Variants in RORA observed in about 807,000 individuals in gnomAD.
RORA encodes nuclear receptor ROR-alpha.
Under a neutral mutation model 69.5 loss-of-function variants are expected in RORA, and 7 were observed. The ratio of observed to expected loss-of-function variants is 0.10; its 90% CI spans 0.06 to 0.19. The LOEUF is 0.19. Ranked by LOEUF, RORA falls within the 10% of genes least tolerant of loss-of-function variation. The pLI is 1.00. For synonymous variants in RORA, 261 were observed against 240.8 expected (o/e 1.08, Z -0.78); for missense variants, 457 against 663.0 (o/e 0.69, Z 3.41).
At chr15:61,020,601 C>T (rs1358820522) in intron 1 of RORA, among the ~76,000 whole-genome samples, 1 of 152,166 alleles carries the variant, frequency 6.6e-6, no homozygotes, top group Non-Finnish European at 1.5e-5. Flanking sequence ...AAACCTTCAC[C>T]CTCAGAGAGA....
chr15:61,095,568 T>C (rs2140730442), intron 1 of RORA, among the ~76,000 whole-genome samples: 1 of 152,352 alleles, frequency 6.6e-6, no homozygotes, highest in East Asian at 1.9e-4. Context: ...TGACAAATGC[T>C]TTCTCCAATC....
intron 7 of RORA, 89 bp downstream of exon 7, chr15:60,503,446 C>A: frequency 1.5e-6 from 2 of 1,359,978 alleles, no homozygotes; most frequent in South Asian, 1.4e-5. Flanking sequence ...AAAAACTGTT[C>A]CCGACACCTT....
At chr15:60,942,078 A>C (rs1428869151) in intron 1 of RORA, among the ~76,000 whole-genome samples, 4 of 152,050 alleles carry the variant, frequency 2.6e-5, no homozygotes. Context: ...ATTCCCCCTA[A>C]TTTTTTAAAA....
chr15:60,983,355 CAA>C (rs1193892769), intron 1 of RORA, among the ~76,000 whole-genome samples: 1 of 152,184 alleles, frequency 6.6e-6, no homozygotes, highest in Non-Finnish European at 1.5e-5. Flanking sequence ...CTGAAAGTAT[CAA>C]AGTGTTTTAC....
chr15:60,792,668 T>A (rs1381601179), intron 1 of RORA, among the ~76,000 whole-genome samples: 1 of 152,218 alleles, frequency 6.6e-6, no homozygotes, highest in East Asian at 1.9e-4. Flanking sequence ...TGAAAAACAT[T>A]GTCAACCCAG....
At chr15:61,228,172 G>T (rs1386280941) in intron 1 of RORA, among the ~76,000 whole-genome samples, 2 of 152,166 alleles carry the variant, frequency 1.3e-5, no homozygotes, top group Non-Finnish European at 2.9e-5. Flanking sequence ...TGGAACCTCC[G>T]AGAGGGAAGG....
intron 1 of RORA, among the ~76,000 whole-genome samples, chr15:61,187,116 G>A (rs894241097): frequency 1.3e-5 from 2 of 152,222 alleles, no homozygotes; most frequent in Non-Finnish European, 2.9e-5. Context: ...CAAAAGCGGC[G>A]GTGGCAGGCT....
intron 1 of RORA, among the ~76,000 whole-genome samples, chr15:60,987,776 A>T (rs1353418453): frequency 6.6e-6 from 1 of 152,208 alleles, no homozygotes; most frequent in Non-Finnish European, 1.5e-5. Flanking sequence ...AACTCTCCAA[A>T]GAGTCCTGAG....
intron 1 of RORA, among the ~76,000 whole-genome samples, chr15:60,805,273 T>C (rs192534314): frequency 5.4e-4 from 82 of 152,260 alleles, no homozygotes; most frequent in Middle Eastern, 3.4e-3. Context: ...AATAAAACCA[T>C]GTCAGTCATT....
intron 1 of RORA, among the ~76,000 whole-genome samples, chr15:61,138,464 C>G (rs578071233): frequency 6.6e-6 from 1 of 152,114 alleles, no homozygotes; most frequent in East Asian, 1.9e-4. Context: ...CCCAGGGTTA[C>G]GAAGACCACT....
chr15:60,626,191 T>A (rs2140639432), intron 2 of RORA, among the ~76,000 whole-genome samples: 1 of 152,100 alleles, frequency 6.6e-6, no homozygotes, highest in Admixed American at 6.5e-5. Flanking sequence ...GAGCTCAACC[T>A]CCCCAAACCA....
chr15:61,036,791 G>A (rs539701319), intron 1 of RORA, among the ~76,000 whole-genome samples: 1 of 131,692 alleles, frequency 7.6e-6, no homozygotes, highest in South Asian at 2.4e-4. Context: ...TGTAGTATTG[G>A]ACTCGCTTGC....
chr15:60,943,925 A>AAAAAAAAAAAAAAAAAAAAAAC (rs1595834409), intron 1 of RORA, among the ~76,000 whole-genome samples: 1 of 148,020 alleles, frequency 6.8e-6, no homozygotes, highest in Non-Finnish European at 1.5e-5. Context: ...CCAAAAAAAA[A>AAAAAAAAAAAAAAAAAAAAAAC]AAAAAAAAAA....
In RORA at chr15:60,493,014, A is replaced by AC. The variant is rs1201557118; in HGVS notation, c.*4440dup. On this transcript the variant is annotated 3_prime_UTR_variant, in exon 11 of 11. Transcript: ENST00000335670. The stretch of plus-strand genomic sequence containing the variant: ...CTGAGCACATTGTTTCTGACTCTTA[A>AC]CCCCAACTCCAAAATGATAGGGCTT... The AC allele has an allele frequency of 6.6e-6, 1 of 152,040 alleles. No homozygotes were observed. The highest frequency in any genetic ancestry group is 2.4e-5 in the African/African-American group (1 of 41,384). The allele number at this position is 152,040 out of a possible 1,614,324, so 9.4% of individuals were successfully genotyped here.
At chr15:61,211,756 T>C (rs533280619) in intron 1 of RORA, among the ~76,000 whole-genome samples, 1 of 152,252 alleles carries the variant, frequency 6.6e-6, no homozygotes, top group African/African-American at 2.4e-5. Context: ...GTCAGCCTAT[T>C]TGGATCCGAA....
chr15:60,572,400 T>C (rs981942820), intron 2 of RORA, among the ~76,000 whole-genome samples: 36 of 152,132 alleles, frequency 2.4e-4, no homozygotes, highest in African/African-American at 8.2e-4. Context: ...TTGAATGCTC[T>C]GGGCATAGTG....
chr15:60,569,053 C>T (rs531316559), intron 2 of RORA, among the ~76,000 whole-genome samples: 36 of 151,614 alleles, frequency 2.4e-4, no homozygotes, highest in Non-Finnish European at 4.7e-4. Context: ...TTTCACACCT[C>T]TATCTTCTGG....
intron 1 of RORA, among the ~76,000 whole-genome samples, chr15:60,886,110 A>G (rs536082035): frequency 6.6e-6 from 1 of 152,374 alleles, no homozygotes; most frequent in South Asian, 2.1e-4. Context: ...CATATCTGGT[A>G]TCCAAAAAGT....
intron 1 of RORA, among the ~76,000 whole-genome samples, chr15:60,829,965 A>G (rs1026752517): frequency 6.6e-6 from 1 of 152,234 alleles, no homozygotes; most frequent in African/African-American, 2.4e-5. Flanking sequence ...TGGGAGCACA[A>G]CAAATAGCTC....
Sources: gnomAD v4.1 joint callset for allele counts (sites outside exome capture counted in the v4.1 genomes callset) on GRCh38, gnomAD v4.1.1 for gene constraint, MANE v1.5 for transcripts, NCBI Gene and HGNC (gene_info 2026-07-23, HGNC 2026-07-21) for gene names.